MRPL16: variants seen among roughly 807,000 people sequenced by gnomAD.
The protein encoded by MRPL16 is large ribosomal subunit protein uL16m.
In MRPL16, 17 loss-of-function variants were observed where a neutral mutation model predicts 22.7. The ratio of observed to expected loss-of-function variants is 0.75; its 90% CI spans 0.51 to 1.12. The LOEUF is 1.12. MRPL16 is among the 50% of genes most tolerant of loss of function. The pLI, the probability that MRPL16 is intolerant of heterozygous loss-of-function variation, is 0.00. For synonymous variants in MRPL16, 103 were observed against 112.8 expected (o/e 0.91, Z 0.55); for missense variants, 316 against 328.7 (o/e 0.96, Z 0.30).
chr11:59,809,816 G>A (rs759179582), intron 2 of MRPL16, 39 bp downstream of exon 2: 14 of 1,570,930 alleles, frequency 8.9e-6, no homozygotes, highest in Non-Finnish European at 1.2e-5. Context: ...GTTTCCATCA[G>A]AGAAAAGATT....
chr11:59,806,229 A>C lies in MRPL16; in HGVS notation c.*118T>G. ...CATTGTTTTTCAGAAATCTACTCAA[A>C]TGCTGCTCCTTAGTTATGGCTTAAG... is the stretch of plus-strand genomic sequence containing the variant. On this transcript the variant is annotated 3_prime_UTR_variant, in exon 4 of 4. Transcript: ENST00000300151. 9.2e-7 allele frequency: 1 copy of C among 1,089,078 alleles called. No homozygotes were observed. The highest frequency in any genetic ancestry group is 1.3e-6 in the Non-Finnish European group (1 of 757,892). 67.5% of individuals were successfully genotyped at this position (1,089,078 alleles called of 1,614,324 possible). A position where few individuals can be genotyped will look rare whatever the true frequency, so the allele number is the denominator to read the frequency against.
chr11:59,810,265 T>A (rs1467141371), intron 1 of MRPL16: 2 of 1,228,092 alleles, frequency 1.6e-6, no homozygotes, highest in East Asian at 8.1e-5. Flanking sequence ...CGCCTCGGCC[T>A]CCCAAAGTGC....
Position 59,807,827 on chromosome 11 carries a change from G to C in MRPL16, c.144C>G (p.Pro48=). Residue 48 remains proline, a synonymous_variant, in exon 3 of 4, where the codon CCC becomes CCG. Transcript: ENST00000300151. ...SFEDVSIPEK[P]KLRFIERAPL... Reference sequence around the variant, plus strand: ...GTGCCCTTTCAATAAATCTAAGCTTGGGTTTTTCAGGAATGGAAACATCTA... The same window carrying C: ...GTGCCCTTTCAATAAATCTAAGCTTCGGTTTTTCAGGAATGGAAACATCTA... 6.2e-7 allele frequency: 1 copy of C among 1,608,092 alleles called. No homozygotes were observed. The highest frequency in any genetic ancestry group is 8.5e-7 in the Non-Finnish European group (1 of 1,177,766).
At position 59,806,797 on chromosome 11, in the gene MRPL16, A is replaced by G. The variant is rs138457344; in HGVS notation, c.306T>C (p.Phe102=). 4.6e-4 allele frequency: 739 copies of G among 1,611,506 alleles called. 10 individuals are homozygous for G. In the Middle Eastern group the frequency reaches 0.014, roughly 30 times the overall value. The change falls in exon 4 of 4, where the codon TTT becomes TTC. Residue 102 remains phenylalanine, a synonymous_variant. Coordinates refer to ENST00000300151, the MANE Select transcript of MRPL16 (RefSeq NM_017840.4). ...LGGGYLHWGH[F]EMMRLTINRS... ...GGTTGATTGTCAGGCGCATCATTTC[A>G]AAGTGGCCCCAATGCAGGTAGCCAC...
rs1866108508 is a variant in MRPL16, at chr11:59,806,908, A to T, written c.271-76T>A. 3.3e-6 allele frequency: 5 copies of T among 1,518,698 alleles called. No individual in the cohort carries two copies. The Admixed American group carries it at 1.0e-4, about 32-fold the overall frequency. 94.1% of individuals were successfully genotyped at this position (1,518,698 alleles called of 1,614,324 possible). On this transcript the variant is annotated intron_variant, in intron 3 of 3. Coordinates refer to ENST00000300151, the MANE Select transcript of MRPL16 (RefSeq NM_017840.4). ...ATGGGCTCATTATTTTGTCTCTTCT[A>T]GTAACTGTGGCTTCAATGATACAAT...
At position 59,809,623 on chromosome 11, in the gene MRPL16, T is replaced by C. The variant is rs118170969; in HGVS notation, c.121+232A>G. On this transcript the variant is annotated intron_variant, in intron 2 of 3. Transcript: ENST00000300151. ...CACCAGTGGGAGGTTTTAGGGGAGC[T>C]ATCTCATTAGACGCTGCTCCGTAAG... 4,594 of 489,050 alleles carry C rather than the reference T, an allele frequency of 9.4e-3. 39 individuals carry two copies. The highest frequency in any genetic ancestry group is 0.013 in the Non-Finnish European group (3,525 of 278,116). 30.3% of individuals were successfully genotyped at this position (489,050 alleles called of 1,614,324 possible).
chr11:59,810,739 TA>T lies in MRPL16; in HGVS notation c.-82del. 6.6e-7 allele frequency: 1 copy of T among 1,526,570 alleles called. No individual in the cohort carries two copies. The highest frequency in any genetic ancestry group is 9.1e-7 in the Non-Finnish European group (1 of 1,104,236). 94.6% of individuals were successfully genotyped at this position (1,526,570 alleles called of 1,614,324 possible). A position where few individuals can be genotyped will look rare whatever the true frequency, so the allele number is the denominator to read the frequency against. On this transcript the variant is annotated 5_prime_UTR_variant, in exon 1 of 4. Coordinates refer to ENST00000300151, the MANE Select transcript of MRPL16 (RefSeq NM_017840.4). ...ACCCAGGTAAGCAGCGGCGCTCCAC[TA>T]CCTAGCTGTAATCGGCTCAGGACAC...
rs1158904455 is a variant in MRPL16, at chr11:59,810,756, C to T, written c.-98G>A. 7.3e-7 allele frequency: 1 copy of T among 1,369,198 alleles called. No homozygotes were observed. The allele number at this position is 1,369,198 out of a possible 1,614,324, so 84.8% of individuals were successfully genotyped here. A position where few individuals can be genotyped will look rare whatever the true frequency, so the allele number is the denominator to read the frequency against. The stretch of plus-strand genomic sequence containing the variant: ...CGCTCCACTACCTAGCTGTAATCGG[C>T]TCAGGACACCGCTCAGTGGGGCCGG... On this transcript the variant is annotated 5_prime_UTR_variant, in exon 1 of 4. Transcript: ENST00000300151.
intron 1 of MRPL16, 118 bp downstream of exon 1, chr11:59,810,486 C>A: frequency 6.5e-7 from 1 of 1,538,008 alleles, no homozygotes; most frequent in South Asian, 1.2e-5. Flanking sequence ...TAGCGTAGTT[C>A]CTAACCAGTG....
rs1866100245 is a variant in MRPL16, at chr11:59,806,671, T to C, written c.432A>G (p.Lys144=). 6.2e-7 allele frequency: 1 copy of C among 1,614,202 alleles called. No individual in the cohort carries two copies. The highest frequency in any genetic ancestry group is 2.2e-5 in the East Asian group (1 of 44,884). The stretch of plus-strand genomic sequence containing the variant: ...GTGTCACGTAGTGGTCAATAGCACC[T>C]TTGCCTCCCCCCATGCGATGCCCAA... ...KSVGHRMGGG[K]GAIDHYVTPV... The change falls in exon 4 of 4, where the codon AAA becomes AAG. Residue 144 remains lysine (K), a synonymous_variant. Coordinates refer to ENST00000300151, the MANE Select transcript of MRPL16 (RefSeq NM_017840.4).
intron 1 of MRPL16, 111 bp downstream of exon 1, chr11:59,810,493 A>C: frequency 1.3e-6 from 2 of 1,545,238 alleles, no homozygotes; most frequent in Non-Finnish European, 1.8e-6. Context: ...GTTCCTAACC[A>C]GTGCTTCACC....
intron 3 of MRPL16, 78 bp downstream of exon 3, chr11:59,807,623 T>TAAA: frequency 6.8e-7 from 1 of 1,472,896 alleles, no homozygotes; most frequent in African/African-American, 1.4e-5. Context: ...AGGAAGAGAC[T>TAAA]AAATTATCTC....
chr11:59,808,568 C>G (rs1866137343), intron 2 of MRPL16, among the ~76,000 whole-genome samples: 1 of 152,142 alleles, frequency 6.6e-6, no homozygotes, highest in Non-Finnish European at 1.5e-5. Flanking sequence ...ATAATCTGGT[C>G]TATGCCATCC....
Position 59,807,900 on chromosome 11 carries a change from GATCT to G in MRPL16, c.122-55_122-52del, listed in dbSNP as rs561611388. On this transcript the variant is annotated intron_variant, in intron 2 of 3. Coordinates refer to ENST00000300151, the MANE Select transcript of MRPL16 (RefSeq NM_017840.4). ...TAAAGTAAAACTATACATCTCAAAA[GATCT>G]ATTTTCCTAGAAAGATTTATAACAG... is the stretch of plus-strand genomic sequence containing the variant. 239 of 1,477,992 alleles carry G rather than the reference GATCT, an allele frequency of 1.6e-4. No individual in the cohort carries two copies. In the African/African-American group the frequency reaches 2.9e-3, roughly 18 times the overall value. The allele number at this position is 1,477,992 out of a possible 1,614,324, so 91.6% of individuals were successfully genotyped here.
chr11:59,808,482 A>G (rs1278675580), intron 2 of MRPL16, among the ~76,000 whole-genome samples: 3 of 152,250 alleles, frequency 2.0e-5, no homozygotes, highest in Non-Finnish European at 4.4e-5. Context: ...ACCCAGATCA[A>G]CAAACAGGAT....
At chr11:59,808,066 G>A (rs940558099) in intron 2 of MRPL16, among the ~76,000 whole-genome samples, 5 of 152,138 alleles carry the variant, frequency 3.3e-5, no homozygotes, top group Admixed American at 2.6e-4. Flanking sequence ...TTACAAGTGC[G>A]AGCCACCATA....
At chr11:59,807,562 G>A (rs1384867463) in intron 3 of MRPL16, 139 bp downstream of exon 3, 1 of 920,394 alleles carries the variant, frequency 1.1e-6, no homozygotes, top group Non-Finnish European at 1.6e-6. Context: ...AGTAGCCTCT[G>A]TACATACCAG....
chr11:59,810,137 C>G, intron 1 of MRPL16: 1 of 641,254 alleles, frequency 1.6e-6, no homozygotes, highest in Non-Finnish European at 2.4e-6. Flanking sequence ...TCCGGACTAG[C>G]TGGGATTACA....
At chr11:59,810,260 C>T (rs1395382090) in intron 1 of MRPL16, 4 of 1,202,946 alleles carry the variant, frequency 3.3e-6, no homozygotes, top group Non-Finnish European at 4.2e-6. Flanking sequence ...TCGCCCGCCT[C>T]GGCCTCCCAA....
Sources: gnomAD v4.1 joint callset for allele counts (sites outside exome capture counted in the v4.1 genomes callset) on GRCh38, gnomAD v4.1.1 for gene constraint, MANE v1.5 for transcripts, NCBI Gene and HGNC (gene_info 2026-07-23, HGNC 2026-07-21) for gene names.